Variants in GLIS3 observed in about 807,000 individuals in gnomAD.
The protein encoded by GLIS3 is zinc finger protein GLIS3.
GLIS3 carries 53 observed loss-of-function variants against 78.6 expected under a neutral mutation model. The ratio of observed to expected loss-of-function variants is 0.67; its 90% CI spans 0.54 to 0.85. The LOEUF (loss-of-function observed/expected upper bound fraction) is 0.85. GLIS3 is among the 40% of genes least tolerant of loss of function. GLIS3 has a pLI of 0.00. For synonymous variants in GLIS3, 684 were observed against 509.9 expected, an observed-to-expected ratio of 1.34 and a Z score of -4.60; for missense variants, 1,703 against 1,231.1, an observed-to-expected ratio of 1.38 and a Z score of -5.74.
chr9:3,898,706 G>T lies in GLIS3; in HGVS notation c.2113C>A (p.Pro705Thr). 1.2e-6 allele frequency: 2 copies of T among 1,614,130 alleles called. No individual in the cohort carries two copies. Among genetic ancestry groups the T allele is most frequent in the Non-Finnish European group, 1.7e-6 (2 of 1,180,016 alleles). Residue 705 changes from proline (P) to threonine (T), a missense_variant, in exon 7 of 11, where the codon CCT (proline) becomes ACT (threonine). Physicochemically the swap from Pro to Thr is conservative, Grantham distance 38. Transcript: ENST00000381971. ...CTGTCTTTACCTGAATAGAGGTCAG[G>T]CCCGGGTCCAGGGGAGCGTCCCACG... Reference protein sequence around the residue: ...GTVGRSPGPGPDLYSAPIFSS... With the variant: ...GTVGRSPGPGTDLYSAPIFSS...
chr9:4,271,962 G>A (rs571845154), intron 2 of GLIS3, among the ~76,000 whole-genome samples: 1 of 152,074 alleles, frequency 6.6e-6, no homozygotes, highest in Non-Finnish European at 1.5e-5. Context: ...ATCTAATAAT[G>A]CAGGGGATCC....
intron 4 of GLIS3, among the ~76,000 whole-genome samples, chr9:4,104,875 G>GC (rs1830637088): frequency 6.6e-6 from 1 of 152,228 alleles, no homozygotes; most frequent in Admixed American, 6.5e-5. Context: ...GATCCCCAGT[G>GC]CTTAGAAGAG....
intron 2 of GLIS3, among the ~76,000 whole-genome samples, chr9:4,150,116 G>C (rs1302294618): frequency 6.6e-6 from 1 of 152,102 alleles, no homozygotes; most frequent in African/African-American, 2.4e-5. Flanking sequence ...GTAAAGAAGA[G>C]CTTCCCCAGA....
At chr9:3,862,755 T>C (rs576422268) in intron 8 of GLIS3, among the ~76,000 whole-genome samples, 65 of 152,228 alleles carry the variant, frequency 4.3e-4, no homozygotes, top group African/African-American at 1.4e-3. Flanking sequence ...TTTCTTTCCC[T>C]CCGCCCCCCG....
chr9:4,011,344 T>C (rs79202839), intron 4 of GLIS3, among the ~76,000 whole-genome samples: 85 of 152,076 alleles, frequency 5.6e-4, no homozygotes, highest in African/African-American at 1.9e-3. Context: ...CTCAAGGAGT[T>C]TGTGGTAAAA....
chr9:3,840,087 A>C (rs1215288646), intron 9 of GLIS3, among the ~76,000 whole-genome samples: 5 of 152,116 alleles, frequency 3.3e-5, no homozygotes, highest in Non-Finnish European at 5.9e-5. Context: ...TTTCTTTGAA[A>C]TTTTATAGGG....
chr9:4,422,690 G>A, the GLIS3 span, among the ~76,000 whole-genome samples: 1 of 152,208 alleles, frequency 6.6e-6, no homozygotes, highest in Non-Finnish European at 1.5e-5. Flanking sequence ...TCTCAGATAA[G>A]CTCAGTTAGA....
chr9:4,140,599 C>G (rs186112977), intron 2 of GLIS3, among the ~76,000 whole-genome samples: 25 of 152,246 alleles, frequency 1.6e-4, no homozygotes, highest in Admixed American at 1.6e-3. Context: ...TCCCAGAAGT[C>G]CCCCAGAGCT....
the GLIS3 span, among the ~76,000 whole-genome samples, chr9:4,400,604 C>T: frequency 6.6e-6 from 1 of 152,246 alleles, no homozygotes; most frequent in Non-Finnish European, 1.5e-5. Flanking sequence ...TCTTGATCTT[C>T]ATTGTAGATT....
chr9:3,835,124 G>A (rs1287293656), intron 9 of GLIS3, among the ~76,000 whole-genome samples: 1 of 152,190 alleles, frequency 6.6e-6, no homozygotes, highest in Non-Finnish European at 1.5e-5. Context: ...TAGTAGGTTT[G>A]TTTATGCAGC....
the GLIS3 span, among the ~76,000 whole-genome samples, chr9:4,436,419 G>A: frequency 6.6e-6 from 1 of 152,130 alleles, no homozygotes; most frequent in Non-Finnish European, 1.5e-5. Context: ...CCTCCAAAGT[G>A]AATTCAATCT....
the GLIS3 span, among the ~76,000 whole-genome samples, chr9:4,356,997 A>G: frequency 2.6e-5 from 4 of 152,266 alleles, no homozygotes; most frequent in South Asian, 2.1e-4. Flanking sequence ...TCCAAAGACT[A>G]GAAATCTAAA....
intron 6 of GLIS3, among the ~76,000 whole-genome samples, chr9:3,914,998 AGAGCAATGCATG>A (rs1824408128): frequency 2.3e-3 from 1 of 426 alleles, no homozygotes; most frequent in Non-Finnish European, 6.0e-3. Context: ...TGTATGTCTT[AGAGCAATGCATG>A]TCTTAGAGCA....
chr9:3,851,751 G>C (rs371299742), intron 9 of GLIS3, among the ~76,000 whole-genome samples: 65 of 151,616 alleles, frequency 4.3e-4, no homozygotes, highest in African/African-American at 1.6e-3. Context: ...TAATGCAACA[G>C]CATCTACACA....
intron 7 of GLIS3, among the ~76,000 whole-genome samples, chr9:3,891,621 G>C (rs572838922): frequency 7.2e-5 from 11 of 152,164 alleles, no homozygotes; most frequent in Non-Finnish European, 1.5e-4. Flanking sequence ...AGGATGACTT[G>C]AGCCCAGGGG....
intron 4 of GLIS3, among the ~76,000 whole-genome samples, chr9:4,074,366 C>T (rs1042863915): frequency 2.0e-5 from 3 of 152,112 alleles, no homozygotes; most frequent in African/African-American, 7.2e-5. Flanking sequence ...GTTTTGTATG[C>T]CCTTTGTGGC....
chr9:4,327,136 G>C (rs534808834), intron 2 of GLIS3, among the ~76,000 whole-genome samples: 80 of 152,288 alleles, frequency 5.3e-4, no homozygotes, highest in African/African-American at 1.7e-3. Context: ...GATTGATTGA[G>C]AGTTAATGAT....
In GLIS3 at chr9:3,995,589, G is replaced by C. The variant is rs554102637; in HGVS notation, c.1711-58400C>G. ...AAATGAATGCATAACAAAGAAACAA[G>C]AGGCTGTGAAAATTGACCAAGAAGT... On this transcript the variant is annotated intron_variant, in intron 4 of 10. Transcript: ENST00000381971. Among the ~76,000 whole-genome samples the C allele has an allele frequency of 1.2e-4, 18 of 152,028 alleles. 1 individual carries two copies. The highest frequency in any genetic ancestry group is 4.3e-4 in the African/African-American group (18 of 41,498).
the GLIS3 span, among the ~76,000 whole-genome samples, chr9:4,392,280 G>A: frequency 6.6e-6 from 1 of 152,104 alleles, no homozygotes; most frequent in Non-Finnish European, 1.5e-5. Context: ...AGGATAAATA[G>A]CTAATGCATG....
Sources: allele counts gnomAD v4.1 joint callset (sites outside exome capture counted in the v4.1 genomes callset), GRCh38; gene constraint gnomAD v4.1.1; transcripts MANE v1.5; gene names NCBI Gene and HGNC (gene_info 2026-07-23, HGNC 2026-07-21).